The following CHL1 variants were observed in gnomAD, a reference collection of about 807,000 sequenced individuals.
CHL1 encodes the protein cell adhesion molecule L1 like, also known as neural cell adhesion molecule L1-like protein.
A neutral mutation model predicts 141.9 loss-of-function variants in CHL1; 96 were observed. The ratio of observed to expected loss-of-function variants is 0.68; its 90% CI spans 0.57 to 0.80. The LOEUF (loss-of-function observed/expected upper bound fraction) is 0.80. Ranked by LOEUF, CHL1 falls within the 30% of genes least tolerant of loss-of-function variation. The pLI, the probability that CHL1 is intolerant of heterozygous loss-of-function variation, is 0.00. For synonymous variants in CHL1, 613 were observed against 502.2 expected, an observed-to-expected ratio of 1.22 and a Z score of -2.95; for missense variants, 1,820 against 1,457.2, an observed-to-expected ratio of 1.25 and a Z score of -4.05.
intron 3 of CHL1, among the ~76,000 whole-genome samples, chr3:323,658 C>A (rs940456932): frequency 6.6e-6 from 1 of 152,066 alleles, no homozygotes; most frequent in Non-Finnish European, 1.5e-5. Flanking sequence ...TATCTTTGAA[C>A]AAATCAACCC....
chr3:279,820 G>C (rs115614892), intron 2 of CHL1, among the ~76,000 whole-genome samples: 171 of 152,258 alleles, frequency 1.1e-3, no homozygotes, highest in African/African-American at 3.6e-3. Flanking sequence ...GGACTTAAAG[G>C]CTGCTTAGAC....
At position 407,455 on chromosome 3, in the gene CHL1, A is replaced by AGC. The variant is rs1709599762; in HGVS notation, c.*1744_*1745insGC. 1 of 152,152 alleles carries AGC rather than the reference A, an allele frequency of 6.6e-6. No individual in the cohort carries two copies. The highest frequency in any genetic ancestry group is 1.5e-5 in the Non-Finnish European group (1 of 68,066). 9.4% of individuals were successfully genotyped at this position (152,152 alleles called of 1,614,324 possible). On this transcript the variant is annotated 3_prime_UTR_variant, in exon 28 of 28. Transcript: ENST00000256509. ...CTGTAATTTATGGGCTCAGGATCTGACCGCAGTCCCGGGAGTAAGCATTTC... is the reference window on the plus strand; with the variant it reads ...CTGTAATTTATGGGCTCAGGATCTGAGCCCGCAGTCCCGGGAGTAAGCATTTC...
At chr3:326,182 GT>G in intron 4 of CHL1, 118 bp downstream of exon 4, 4 of 561,192 alleles carry the variant, frequency 7.1e-6, no homozygotes, top group Non-Finnish European at 8.9e-6. Flanking sequence ...AAAGCTAAGG[GT>G]TTACAAAAAA....
intron 2 of CHL1, among the ~76,000 whole-genome samples, chr3:257,659 T>C (rs929470394): frequency 6.6e-6 from 1 of 152,144 alleles, no homozygotes; most frequent in Non-Finnish European, 1.5e-5. Flanking sequence ...GCTCTCTTTT[T>C]CATAAAGAGA....
chr3:273,029 C>T lies in CHL1; in HGVS notation c.-95+28337C>T, dbSNP rs1055757110. On this transcript the variant is annotated intron_variant, in intron 2 of 27. Transcript: ENST00000256509. The stretch of plus-strand genomic sequence containing the variant: ...ATAATGAAAGAAGGTCTTTCTGAAG[C>T]GGTGCCTTTGAACCTGAGATTTGAC... 3.9e-5 allele frequency among the ~76,000 whole-genome samples: 6 copies of T among 152,154 alleles called. No homozygotes were observed. In the South Asian group the frequency reaches 6.2e-4, roughly 16 times the overall value.
intron 2 of CHL1, among the ~76,000 whole-genome samples, chr3:266,897 T>C (rs1695204031): frequency 6.6e-6 from 1 of 152,172 alleles, no homozygotes; most frequent in Non-Finnish European, 1.5e-5. Flanking sequence ...CCTAATTATC[T>C]GAGGGTGCAG....
intron 1 of CHL1, among the ~76,000 whole-genome samples, chr3:242,537 A>G (rs992363148): frequency 4.6e-5 from 7 of 152,094 alleles, no homozygotes; most frequent in East Asian, 1.9e-4. Context: ...CAGAGCTTGC[A>G]GTGAGCCGAG....
intron 10 of CHL1, among the ~76,000 whole-genome samples, chr3:351,866 C>G (rs60470753): frequency 0.047 from 7,211 of 152,118 alleles, 578 homozygotes; most frequent in African/African-American, 0.16. Context: ...CTAGGTACAA[C>G]TGTATATTCT....
At chr3:305,280 A>G (rs931301377) in intron 2 of CHL1, among the ~76,000 whole-genome samples, 1 of 152,152 alleles carries the variant, frequency 6.6e-6, no homozygotes, top group Admixed American at 6.6e-5. Context: ...CTAGTCATTC[A>G]GTATATTTCA....
intron 1 of CHL1, among the ~76,000 whole-genome samples, chr3:228,477 G>C (rs927999834): frequency 1.8e-5 from 2 of 112,070 alleles, no homozygotes; most frequent in Non-Finnish European, 4.2e-5. Context: ...GTAAATATGT[G>C]TACACACACA....
intron 2 of CHL1, among the ~76,000 whole-genome samples, chr3:258,933 TC>T (rs1313929376): frequency 1.4e-5 from 2 of 138,088 alleles, no homozygotes; most frequent in African/African-American, 5.7e-5. Flanking sequence ...TATGGCAACA[TC>T]TTTTTTTTTT....
rs1708167574 is a variant in CHL1 at position 390,897 on chromosome 3, G to A, written c.2587-58G>A. On this transcript the variant is annotated intron_variant, in intron 21 of 27. Transcript: ENST00000256509. ...TAAAGAAGAATTGATTTCAGAAGAAGTCAAAGAGAATCTGCGACCACAATG... is the reference window on the plus strand; with the variant it reads ...TAAAGAAGAATTGATTTCAGAAGAAATCAAAGAGAATCTGCGACCACAATG... 3 of 1,531,050 alleles carry A rather than the reference G, an allele frequency of 2.0e-6. No individual in the cohort carries two copies. The South Asian group carries it at 3.4e-5, about 17-fold the overall frequency. 94.8% of individuals were successfully genotyped at this position (1,531,050 alleles called of 1,614,324 possible). A position where few individuals can be genotyped will look rare whatever the true frequency, so the allele number is the denominator to read the frequency against.
chr3:389,399 G>C lies in CHL1; in HGVS notation c.2395G>C (p.Val799Leu), dbSNP rs917521103. ...GCCTGCTGTCTATGCCCCTTATGAT[G>C]TCAAGGTCCAGGCTATCAATCAACT... is the stretch of plus-strand genomic sequence containing the variant. Reference protein sequence around the residue: ...MTPAVYAPYDVKVQAINQLGS... With the variant: ...MTPAVYAPYDLKVQAINQLGS... The change falls in exon 20 of 28, where the codon GTC (valine) becomes CTC (leucine). Residue 799 changes from valine to leucine, a missense_variant. Transcript: ENST00000256509. 8 of 1,614,080 alleles carry C rather than the reference G, an allele frequency of 5.0e-6. No homozygotes were observed. The highest frequency in any genetic ancestry group is 6.8e-6 in the Non-Finnish European group (8 of 1,180,052).
rs769305601 is a variant in CHL1 at position 406,782 on chromosome 3, A to T, written c.*1071A>T. Reference sequence around the variant, plus strand: ...GGTTCCAAAGCTGAAGACTTTGTATAAAGTATTTGGGTTTTGTTCTTGTAT... The same window carrying T: ...GGTTCCAAAGCTGAAGACTTTGTATTAAGTATTTGGGTTTTGTTCTTGTAT... On this transcript the variant is annotated 3_prime_UTR_variant, in exon 28 of 28. Coordinates refer to ENST00000256509, the MANE Select transcript of CHL1 (RefSeq NM_006614.4). The T allele has an allele frequency of 1.2e-4, 19 of 152,108 alleles. No homozygotes were observed. Among genetic ancestry groups the T allele is most frequent in the Non-Finnish European group, 2.5e-4 (17 of 68,012 alleles). The allele number at this position is 152,108 out of a possible 1,614,324, so 9.4% of individuals were successfully genotyped here. A position where few individuals can be genotyped will look rare whatever the true frequency, so the allele number is the denominator to read the frequency against.
At chr3:312,492 C>G (rs987218102) in intron 2 of CHL1, among the ~76,000 whole-genome samples, 1 of 152,168 alleles carries the variant, frequency 6.6e-6, no homozygotes, top group Admixed American at 6.5e-5. Context: ...GAACAAAAGC[C>G]TTTTAATGTT....
chr3:348,953 A>G (rs1702999024), intron 9 of CHL1, among the ~76,000 whole-genome samples: 1 of 152,252 alleles, frequency 6.6e-6, no homozygotes, highest in Non-Finnish European at 1.5e-5. Context: ...TTACACAAAC[A>G]GGGAATAGGG....
chr3:328,858 T>A (rs1182648609), intron 5 of CHL1, among the ~76,000 whole-genome samples: 1 of 152,144 alleles, frequency 6.6e-6, no homozygotes, highest in Non-Finnish European at 1.5e-5. Context: ...AATTGTACAC[T>A]GGCTCTTAAA....
At chr3:236,336 A>T (rs1691976497) in intron 1 of CHL1, among the ~76,000 whole-genome samples, 1 of 152,162 alleles carries the variant, frequency 6.6e-6, no homozygotes, top group Non-Finnish European at 1.5e-5. Flanking sequence ...CTGGAGCTGG[A>T]TGAAAACCCC....
chr3:329,559 T>C (rs1460230907), intron 5 of CHL1, among the ~76,000 whole-genome samples: 4 of 151,392 alleles, frequency 2.6e-5, no homozygotes, highest in South Asian at 2.1e-4. Context: ...ATGTGGTTGA[T>C]GCAGGGAAGA....
Sources: allele counts gnomAD v4.1 joint callset (sites outside exome capture counted in the v4.1 genomes callset), GRCh38; gene constraint gnomAD v4.1.1; transcripts MANE v1.5; gene names NCBI Gene and HGNC (gene_info 2026-07-23, HGNC 2026-07-21).